The following FGF12 variants were observed in gnomAD, a reference collection of about 807,000 sequenced individuals.
The protein encoded by FGF12 is fibroblast growth factor 12B.
Under a neutral mutation model 23.6 loss-of-function variants are expected in FGF12, and 14 were observed. That is an observed-to-expected ratio of 0.59 (90% CI 0.39 to 0.93). The LOEUF is 0.93. FGF12 is among the 40% of genes least tolerant of loss of function. The pLI is 0.00. For missense variants in FGF12, 175 were observed against 217.8 expected (o/e 0.80, Z 1.24); for synonymous variants, 62 against 77.3 (o/e 0.80, Z 1.04).
chr3:192,384,030 AAT>A (rs1339193702), intron 2 of FGF12, among the ~76,000 whole-genome samples: 1 of 152,198 alleles, frequency 6.6e-6, no homozygotes. Flanking sequence ...AAACCAGAAA[AAT>A]GGGAGTAAAG....
rs542135066 is a variant in FGF12, at chr3:192,272,291, G to A, written c.228+63070C>T. Reference sequence around the variant, plus strand: ...CTATGCTTCAAGTAAGGCTCATTTCGTTTCAAGCCTAACTTAGTTCCATTG... The same window carrying A: ...CTATGCTTCAAGTAAGGCTCATTTCATTTCAAGCCTAACTTAGTTCCATTG... On this transcript the variant is annotated intron_variant, in intron 4 of 5. Coordinates refer to ENST00000445105, the MANE Select transcript of FGF12 (RefSeq NM_004113.6). Among the ~76,000 whole-genome samples the A allele has an allele frequency of 2.7e-3, 411 of 152,150 alleles. 2 individuals are homozygous for A. Among genetic ancestry groups the A allele is most frequent in the African/African-American group, 9.4e-3 (392 of 41,524 alleles).
At chr3:192,155,945 A>T (rs745444734) in intron 5 of FGF12, among the ~76,000 whole-genome samples, 1 of 152,222 alleles carries the variant, frequency 6.6e-6, no homozygotes. Context: ...GATTTGTAGT[A>T]GCTCGAAGTG....
intron 4 of FGF12, among the ~76,000 whole-genome samples, chr3:192,176,564 C>A (rs1362823212): frequency 6.6e-6 from 1 of 152,174 alleles, no homozygotes; most frequent in African/African-American, 2.4e-5. Context: ...CTGATTCAGT[C>A]CCTTTACCTG....
intron 3 of FGF12, among the ~76,000 whole-genome samples, chr3:192,344,820 A>G (rs1325106688): frequency 6.6e-6 from 1 of 152,220 alleles, no homozygotes; most frequent in Non-Finnish European, 1.5e-5. Context: ...CATAATTAAC[A>G]AGTCAATTAA....
At chr3:192,404,483 G>C (rs1267875381) in intron 2 of FGF12, among the ~76,000 whole-genome samples, 1 of 152,082 alleles carries the variant, frequency 6.6e-6, no homozygotes, top group African/African-American at 2.4e-5. Context: ...AAAGCTAAAG[G>C]TTGGACATGA....
rs183712012 is a variant in FGF12 at position 192,407,615 on chromosome 3, G to C, written c.14-47077C>G. 7.9e-5 allele frequency among the ~76,000 whole-genome samples: 12 copies of C among 152,204 alleles called. No homozygotes were observed. The East Asian group carries it at 2.3e-3, about 29-fold the overall frequency. ...TGTATTAATCTTTAGGTCCTCAGTG[G>C]GCAGCGTAAGTACTGTACTCTACAG... On this transcript the variant is annotated intron_variant, in intron 2 of 5. Transcript: ENST00000445105.
At chr3:192,330,950 C>T (rs899611799) in intron 4 of FGF12, among the ~76,000 whole-genome samples, 1 of 151,938 alleles carries the variant, frequency 6.6e-6, no homozygotes, top group African/African-American at 2.4e-5. Flanking sequence ...ATTTGCAAAT[C>T]ATATATCTGA....
Sources: gnomAD v4.1 joint callset for allele counts (sites outside exome capture counted in the v4.1 genomes callset) on GRCh38, gnomAD v4.1.1 for gene constraint, MANE v1.5 for transcripts, NCBI Gene and HGNC (gene_info 2026-07-23, HGNC 2026-07-21) for gene names.